Variants in ZFP82 observed in about 807,000 individuals in gnomAD.
ZFP82 encodes the protein zinc finger protein 82 homolog.
Under a neutral mutation model 54.0 loss-of-function variants are expected in ZFP82, and 30 were observed. The ratio of observed to expected loss-of-function variants is 0.56; its 90% confidence interval spans 0.42 to 0.75. The LOEUF (loss-of-function observed/expected upper bound fraction) is 0.75. ZFP82 is among the 30% of genes least tolerant of loss of function. The pLI is 0.00. For missense variants in ZFP82, 500 were observed against 636.8 expected (o/e 0.79, Z 2.31); for synonymous variants, 194 against 209.5 (o/e 0.93, Z 0.64).
intron 4 of ZFP82, chr19:36,395,123 T>A (rs1037680655): frequency 6.6e-6 from 1 of 152,328 alleles, no homozygotes; most frequent in South Asian, 2.1e-4. Context: ...TGGCTGTATA[T>A]TCCTATGCAT....
chr19:36,399,074 A>G (rs1302924992), intron 4 of ZFP82, among the ~76,000 whole-genome samples: 1 of 152,242 alleles, frequency 6.6e-6, no homozygotes, highest in Non-Finnish European at 1.5e-5. Flanking sequence ...AACAAAATTT[A>G]GAAAGGTAGC....
At chr19:36,408,880 C>A (rs1264071435) in intron 2 of ZFP82, among the ~76,000 whole-genome samples, 1 of 152,110 alleles carries the variant, frequency 6.6e-6, no homozygotes, top group Non-Finnish European at 1.5e-5. Flanking sequence ...GAGATTTAAT[C>A]ATTCTTTTAT....
In ZFP82 at chr19:36,405,595, T is replaced by C. The variant is rs1459185799; in HGVS notation, c.214A>G (p.Arg72Gly). Reference protein sequence around the residue: ...KEPWKVVRKGRRQYPDLETKY... With the variant: ...KEPWKVVRKGGRQYPDLETKY... ...TAGCCCTCACCTGGATATTGTCTTC[T>C]TCCTTTCCTCACAACTTTCCAAGGC... Residue 72 changes from arginine to glycine, a missense_variant, in exon 4 of 5, where the codon AGA becomes GGA. By Grantham distance (125) the Arg-to-Gly change is moderately radical (BLOSUM62 -2). Transcript: ENST00000392161. 9 of 1,610,790 alleles carry C rather than the reference T, an allele frequency of 5.6e-6. No individual in the cohort carries two copies. The highest frequency in any genetic ancestry group is 5.0e-5 in the Admixed American group (3 of 59,942).
At position 36,408,144 on chromosome 19, in the gene ZFP82, G is replaced by C. The variant is rs148342268; in HGVS notation, c.10-131C>G. 1,631 of 971,688 alleles carry C rather than the reference G, an allele frequency of 1.7e-3. 2 individuals carry two copies. Among genetic ancestry groups the C allele is most frequent in the Admixed American group, 3.4e-3 (130 of 38,548 alleles). 60.2% of individuals were successfully genotyped at this position (971,688 alleles called of 1,614,324 possible). A position where few individuals can be genotyped will look rare whatever the true frequency, so the allele number is the denominator to read the frequency against. ...GAAAACAGGCTTGGGCTGGAAGCCT[G>C]CAACACAGCGAGTCAGGAAATGAGT... On this transcript the variant is annotated intron_variant, in intron 2 of 4. Coordinates refer to ENST00000392161, the MANE Select transcript of ZFP82 (RefSeq NM_133466.4).
chr19:36,384,211 C>T (rs950666119), downstream of ZFP82: 5 of 151,982 alleles, frequency 3.3e-5, no homozygotes, highest in African/African-American at 7.3e-5. Context: ...TGAGAAAATG[C>T]TTATCACCTA....
At chr19:36,395,303 A>T (rs1031971371) in intron 4 of ZFP82, 1 of 152,156 alleles carries the variant, frequency 6.6e-6, no homozygotes, top group Admixed American at 6.5e-5. Context: ...ACAAATGTTC[A>T]ACTGGTTTTG....
At position 36,388,636 on chromosome 19, in the gene ZFP82, CCATA is replaced by C. The variant is rs1366629183; in HGVS notation, c.*4101_*4104del. On this transcript the variant is annotated 3_prime_UTR_variant, in exon 5 of 5. Transcript: ENST00000392161. ...TCATTATGTAGCTATTTCACTTTTT[CCATA>C]CATAAAGCTGTGAGTCATGTTTTTC... 3.9e-5 allele frequency among the ~76,000 whole-genome samples: 6 copies of C among 152,026 alleles called. No homozygotes were observed. The highest frequency in any genetic ancestry group is 2.1e-4 in the South Asian group (1 of 4,824).
intron 4 of ZFP82, among the ~76,000 whole-genome samples, chr19:36,402,088 A>C (rs1369643094): frequency 6.6e-6 from 1 of 152,230 alleles, no homozygotes; most frequent in African/African-American, 2.4e-5. Context: ...CTAAATGGAT[A>C]TTATCTTATT....
intron 4 of ZFP82, 46 bp from the exon 5 acceptor site, chr19:36,394,156 AAAG>A: frequency 6.7e-7 from 1 of 1,501,050 alleles, no homozygotes; most frequent in Non-Finnish European, 9.0e-7. Flanking sequence ...TCTTTTACTA[AAAG>A]AAGCAACATT....
chr19:36,392,441 T>C lies in ZFP82; in HGVS notation c.*300A>G, dbSNP rs1428201692. 3.9e-6 allele frequency: 1 copy of C among 259,270 alleles called. No individual in the cohort carries two copies. The highest frequency in any genetic ancestry group is 2.2e-5 in the African/African-American group (1 of 44,740). 16.1% of individuals were successfully genotyped at this position (259,270 alleles called of 1,614,324 possible). Reference sequence around the variant, plus strand: ...AGTGTGTCAAACTGCTGCACTCTTATATGACCATGTCATAAATTAAAAAAT... The same window carrying C: ...AGTGTGTCAAACTGCTGCACTCTTACATGACCATGTCATAAATTAAAAAAT... On this transcript the variant is annotated 3_prime_UTR_variant, in exon 5 of 5. Transcript: ENST00000392161.
At chr19:36,397,875 C>T (rs1258122393) in intron 4 of ZFP82, among the ~76,000 whole-genome samples, 1 of 152,140 alleles carries the variant, frequency 6.6e-6, no homozygotes, top group Non-Finnish European at 1.5e-5. Flanking sequence ...CATGAGCAAC[C>T]ATACCCAGCC....
intron 2 of ZFP82, among the ~76,000 whole-genome samples, chr19:36,408,316 C>T (rs1290061945): frequency 6.6e-6 from 1 of 152,124 alleles, no homozygotes; most frequent in Non-Finnish European, 1.5e-5. Context: ...TGTATATAAG[C>T]CTTTGCCTAC....
chr19:36,411,120 G>C (rs922726621), intron 1 of ZFP82, among the ~76,000 whole-genome samples: 2 of 150,686 alleles, frequency 1.3e-5, no homozygotes, highest in African/African-American at 4.9e-5. Flanking sequence ...TTGGACCTAG[G>C]GGGGCGGAGG....
At chr19:36,404,911 C>T (rs1237321175) in intron 4 of ZFP82, among the ~76,000 whole-genome samples, 2 of 152,184 alleles carry the variant, frequency 1.3e-5, no homozygotes, top group South Asian at 2.1e-4. Context: ...GGGCTGGGCA[C>T]AGTGGCTCAC....
At chr19:36,403,075 G>C (rs970655382) in intron 4 of ZFP82, among the ~76,000 whole-genome samples, 2 of 151,672 alleles carry the variant, frequency 1.3e-5, no homozygotes, top group Non-Finnish European at 2.9e-5. Context: ...CCTGGGAGGC[G>C]GAGCTTGCAG....
chr19:36,407,365 C>G (rs919221800), intron 3 of ZFP82, among the ~76,000 whole-genome samples: 1 of 151,982 alleles, frequency 6.6e-6, no homozygotes, highest in Admixed American at 6.6e-5. Context: ...CGTGAGCCAC[C>G]GCGCCCGGCC....
chr19:36,401,387 T>G (rs919377875), intron 4 of ZFP82, among the ~76,000 whole-genome samples: 14 of 152,330 alleles, frequency 9.2e-5, no homozygotes, highest in African/African-American at 3.4e-4. Flanking sequence ...TCCAACTTGC[T>G]CTTCCTATTT....
downstream of ZFP82, among the ~76,000 whole-genome samples, chr19:36,385,720 T>C (rs1297165852): frequency 3.9e-5 from 6 of 152,192 alleles, no homozygotes; most frequent in African/African-American, 1.4e-4. Flanking sequence ...TATTGGAAAC[T>C]GGAATAAAGG....
chr19:36,397,965 T>C (rs2032324767), intron 4 of ZFP82, among the ~76,000 whole-genome samples: 1 of 152,210 alleles, frequency 6.6e-6, no homozygotes, highest in Non-Finnish European at 1.5e-5. Flanking sequence ...AATGTTTATA[T>C]AGATCAATTC....
Sources: allele counts gnomAD v4.1 joint callset (sites outside exome capture counted in the v4.1 genomes callset), GRCh38; gene constraint gnomAD v4.1.1; transcripts MANE v1.5; gene names NCBI Gene and HGNC (gene_info 2026-07-23, HGNC 2026-07-21).